TPST1: variants seen among roughly 807,000 people sequenced by gnomAD.
TPST1 encodes protein-tyrosine sulfotransferase 1.
TPST1 carries 20 observed loss-of-function variants against 34.8 expected under a neutral mutation model. That is an observed-to-expected ratio of 0.57 (90% CI 0.40 to 0.84). The LOEUF is 0.84. Among genes scored for constraint, TPST1 ranks in the 40% least tolerant of loss-of-function variants. The pLI, the probability that TPST1 is intolerant of heterozygous loss-of-function variation, is 0.00. For synonymous variants in TPST1, 152 were observed against 159.4 expected (o/e 0.95, Z 0.35); for missense variants, 353 against 455.5 (o/e 0.78, Z 2.05).
intron 3 of TPST1, chr7:66,344,229 C>T (rs1446542895): frequency 6.6e-6 from 1 of 152,006 alleles, no homozygotes; most frequent in Non-Finnish European, 1.5e-5. Context: ...GATCTGTTGA[C>T]TCCACAAAAA....
intron 2 of TPST1, among the ~76,000 whole-genome samples, chr7:66,278,100 C>CAAAAA (rs35654351): frequency 0.016 from 805 of 50,194 alleles, 94 homozygotes; most frequent in East Asian, 0.08. Context: ...GACTCCATCT[C>CAAAAA]AAAAAAAAAA....
At chr7:66,238,290 AAATGGG>A (rs1789952309) in intron 1 of TPST1, among the ~76,000 whole-genome samples, 1 of 152,062 alleles carries the variant, frequency 6.6e-6, no homozygotes, top group African/African-American at 2.4e-5. Context: ...GTTTAATCCT[AAATGGG>A]TCCTGTTAAG....
At chr7:66,247,521 G>C (rs1383466704) in intron 2 of TPST1, among the ~76,000 whole-genome samples, 1 of 152,204 alleles carries the variant, frequency 6.6e-6, no homozygotes, top group Non-Finnish European at 1.5e-5. Context: ...AATGTGTCAT[G>C]AAACTGAGCC....
rs1791036543 is a variant in TPST1, at chr7:66,286,494, T to C, written c.846-17T>C. 1 of 1,519,456 alleles carries C rather than the reference T, an allele frequency of 6.6e-7. No individual in the cohort carries two copies. Among genetic ancestry groups the C allele is most frequent in the Non-Finnish European group, 8.8e-7 (1 of 1,133,386 alleles). The allele number at this position is 1,519,456 out of a possible 1,614,324, so 94.1% of individuals were successfully genotyped here. A position where few individuals can be genotyped will look rare whatever the true frequency, so the allele number is the denominator to read the frequency against. The stretch of plus-strand genomic sequence containing the variant: ...AAAATTTTAAATAAATATTTATTCA[T>C]ATTATGTTGTTTTCAGAGTGGAGAG... On this transcript the variant is annotated splice_polypyrimidine_tract_variant and intron_variant, in intron 2 of 5. Coordinates refer to ENST00000304842, the MANE Select transcript of TPST1 (RefSeq NM_003596.4).
rs75077823 is a variant in TPST1, at chr7:66,246,257, C to T, written c.845+4987C>T. 4.2e-5 allele frequency among the ~76,000 whole-genome samples: 6 copies of T among 143,126 alleles called. No homozygotes were observed. In the East Asian group the frequency reaches 1.3e-3, roughly 30 times the overall value. 93.9% of individuals were successfully genotyped at this position (143,126 alleles called of 152,430 possible). On this transcript the variant is annotated intron_variant, in intron 2 of 5. Coordinates refer to ENST00000304842, the MANE Select transcript of TPST1 (RefSeq NM_003596.4). ...TGTTACCCAGGCTGGATTCGAACTC[C>T]TGGCCTCAAGCAGTCTTCCTGCCAT...
At chr7:66,237,393 A>G (rs1263898138) in intron 1 of TPST1, among the ~76,000 whole-genome samples, 1 of 152,174 alleles carries the variant, frequency 6.6e-6, no homozygotes, top group African/African-American at 2.4e-5. Flanking sequence ...TTTCCAGAGC[A>G]CTGAAAGGGT....
At chr7:66,258,640 C>T (rs143590259) in intron 2 of TPST1, among the ~76,000 whole-genome samples, 14 of 152,282 alleles carry the variant, frequency 9.2e-5, no homozygotes, top group Non-Finnish European at 2.1e-4. Context: ...TTATTCTAGT[C>T]AGACGTTTGG....
intron 2 of TPST1, among the ~76,000 whole-genome samples, chr7:66,244,033 C>T (rs1468046132): frequency 3.3e-5 from 5 of 150,024 alleles, no homozygotes; most frequent in Middle Eastern, 3.5e-3. Flanking sequence ...ACTGCGAGCT[C>T]GGCCTCCCAG....
At chr7:66,250,627 G>T (rs889640127) in intron 2 of TPST1, among the ~76,000 whole-genome samples, 11 of 152,106 alleles carry the variant, frequency 7.2e-5, no homozygotes, top group Admixed American at 2.0e-4. Context: ...CCCAGTGGAT[G>T]CCCGAAACCC....
At position 66,299,800 on chromosome 7, in the gene TPST1, C is replaced by G. The variant is rs186318856; in HGVS notation, c.1044+13091C>G. On this transcript the variant is annotated intron_variant, in intron 3 of 5. Transcript: ENST00000304842. Reference sequence around the variant, plus strand: ...TTTCCTCTAAATTATTTAACATATTCATAATAACTTTTAAAGTCTTCATCC... The same window carrying G: ...TTTCCTCTAAATTATTTAACATATTGATAATAACTTTTAAAGTCTTCATCC... Among the ~76,000 whole-genome samples, 324 of 152,234 alleles carry G rather than the reference C, an allele frequency of 2.1e-3. 2 individuals carry two copies. The highest frequency in any genetic ancestry group is 7.6e-3 in the African/African-American group (317 of 41,548).
chr7:66,359,498 A>G, intron 5 of TPST1: 1 of 190,150 alleles, frequency 5.3e-6, no homozygotes, highest in Non-Finnish European at 1.1e-5. Flanking sequence ...TGGACACTTT[A>G]AGAACCTTAG....
intron 1 of TPST1, among the ~76,000 whole-genome samples, chr7:66,209,868 T>C (rs187739575): frequency 6.6e-6 from 1 of 152,302 alleles, no homozygotes; most frequent in African/African-American, 2.4e-5. Flanking sequence ...GGAGTCTTGC[T>C]ATGTTGCCCA....
intron 3 of TPST1, among the ~76,000 whole-genome samples, chr7:66,345,136 T>C (rs915561897): frequency 6.6e-6 from 1 of 152,088 alleles, no homozygotes; most frequent in Non-Finnish European, 1.5e-5. Flanking sequence ...TAATAATGAC[T>C]ATTTTCAAAA....
chr7:66,222,695 T>C (rs1789569574), intron 1 of TPST1, among the ~76,000 whole-genome samples: 1 of 151,988 alleles, frequency 6.6e-6, no homozygotes, highest in Non-Finnish European at 1.5e-5. Context: ...AGGGGTCTGA[T>C]GTCAATGGGG....
chr7:66,260,587 G>GATA (rs2115708838), intron 2 of TPST1, among the ~76,000 whole-genome samples: 1 of 152,314 alleles, frequency 6.6e-6, no homozygotes, highest in South Asian at 2.1e-4. Flanking sequence ...TTGCATGCCT[G>GATA]ATAATATTTG....
At chr7:66,260,956 T>C (rs993421283) in intron 2 of TPST1, among the ~76,000 whole-genome samples, 3 of 152,206 alleles carry the variant, frequency 2.0e-5, no homozygotes, top group African/African-American at 7.2e-5. Context: ...GTTCTTTCCA[T>C]TTAGCACATC....
chr7:66,218,422 G>T (rs1420619790), intron 1 of TPST1, among the ~76,000 whole-genome samples: 1 of 152,106 alleles, frequency 6.6e-6, no homozygotes, highest in Non-Finnish European at 1.5e-5. Flanking sequence ...ACATTTAATT[G>T]AAATGTATGA....
At chr7:66,275,259 A>G (rs1388783857) in intron 2 of TPST1, among the ~76,000 whole-genome samples, 1 of 152,116 alleles carries the variant, frequency 6.6e-6, no homozygotes, top group Non-Finnish European at 1.5e-5. Flanking sequence ...GAAAAGGGAG[A>G]CCTATACACT....
chr7:66,282,649 A>G (rs187251073), intron 2 of TPST1, among the ~76,000 whole-genome samples: 10 of 152,270 alleles, frequency 6.6e-5, no homozygotes, highest in African/African-American at 2.4e-4. Flanking sequence ...AGAAAAACAT[A>G]AGCTAAATAA....
Sources: gnomAD v4.1 joint callset for allele counts (sites outside exome capture counted in the v4.1 genomes callset) on GRCh38, gnomAD v4.1.1 for gene constraint, MANE v1.5 for transcripts, NCBI Gene and HGNC (gene_info 2026-07-23, HGNC 2026-07-21) for gene names.